NRL: variants seen among roughly 807,000 people sequenced by gnomAD.
The protein encoded by NRL is neural retina-specific leucine zipper protein.
Under a neutral mutation model 12.5 loss-of-function variants are expected in NRL, and 16 were observed. The ratio of observed to expected loss-of-function variants is 1.28; its 90% CI spans 0.87 to 1.95. NRL has a LOEUF of 1.95. Ranked by LOEUF, NRL falls within the 30% of genes most tolerant of loss-of-function variation. The probability of loss-of-function intolerance (pLI) is 0.00; values close to 1 mark genes in which losing one functional copy is unlikely to be tolerated. For missense variants in NRL, 314 were observed against 325.8 expected (o/e 0.96, Z 0.28); for synonymous variants, 142 against 150.9 (o/e 0.94, Z 0.43).
Position 24,081,695 on chromosome 14 carries a change from C to T in NRL, c.382-127G>A, listed in dbSNP as rs560135843. The T allele has an allele frequency of 1.7e-5, 26 of 1,521,738 alleles. No homozygotes were observed. The highest frequency in any genetic ancestry group is 2.1e-5 in the Non-Finnish European group (24 of 1,135,938). The allele number at this position is 1,521,738 out of a possible 1,614,324, so 94.3% of individuals were successfully genotyped here. ...CGGCTCCCACCTTCACCGGAAGGCT[C>T]GCCCTTCCACGCAGTCTGTTTCGGT... On this transcript the variant is annotated intron_variant, in intron 2 of 2. Transcript: ENST00000561028. This position sits in a 1 kb window ranked among gnomAD's most constrained non-coding sequence, Gnocchi z 4.4.
In NRL at chr14:24,082,882, AGAG is replaced by A. The variant is rs2036364638; in HGVS notation, c.-27-10_-27-8del. ...TGGGCTGGGAGGAGTGCACCTGCAA[AGAG>A]GAGGAGAGGTCTGGAGCACATGGAG... On this transcript the variant is annotated splice_region_variant and splice_polypyrimidine_tract_variant and intron_variant, in intron 1 of 2. Coordinates refer to ENST00000561028, the MANE Select transcript of NRL (RefSeq NM_001354768.3). 1.3e-6 allele frequency: 2 copies of A among 1,594,536 alleles called. No homozygotes were observed. The highest frequency in any genetic ancestry group is 1.1e-5 in the South Asian group (1 of 88,532).
intron 2 of NRL, chr14:24,082,060 A>AG: frequency 8.3e-7 from 1 of 1,201,810 alleles, no homozygotes; most frequent in Non-Finnish European, 1.0e-6. Flanking sequence ...CTTCCTGAGA[A>AG]GGTTGGGGGC....
chr14:24,087,237 G>A (rs2036488629), intron 1 of NRL, among the ~76,000 whole-genome samples: 1 of 152,158 alleles, frequency 6.6e-6, no homozygotes, highest in Non-Finnish European at 1.5e-5. Flanking sequence ...CAAGAAGGGA[G>A]TAGGGGACAA....
intron 1 of NRL, chr14:24,100,425 C>A (rs1473368996): frequency 2.7e-6 from 3 of 1,114,058 alleles, no homozygotes; most frequent in Non-Finnish European, 3.7e-6. Flanking sequence ...TGCTCAACTT[C>A]CCTAAGCTTT....
chr14:24,087,325 A>G (rs1282532905), intron 1 of NRL, among the ~76,000 whole-genome samples: 4 of 152,224 alleles, frequency 2.6e-5, no homozygotes, highest in Non-Finnish European at 5.9e-5. Context: ...ACACCAATAC[A>G]AAGAAATAGA....
chr14:24,083,979 G>A (rs1167403965), intron 1 of NRL, among the ~76,000 whole-genome samples: 1 of 152,176 alleles, frequency 6.6e-6, no homozygotes, highest in African/African-American at 2.4e-5. Context: ...TGAAGTCCAA[G>A]CTCTAGTCCA....
chr14:24,087,660 C>T (rs561045035), intron 1 of NRL, among the ~76,000 whole-genome samples: 1 of 152,314 alleles, frequency 6.6e-6, no homozygotes, highest in African/African-American at 2.4e-5. Flanking sequence ...TTGAAAAATG[C>T]ATATTAAACA....
At chr14:24,103,796 C>T (rs753224801) in intron 1 of NRL, 35 of 1,614,032 alleles carry the variant, frequency 2.2e-5, no homozygotes, top group East Asian at 1.3e-4. Context: ...TGGATCTCAG[C>T]GGCCTCAGAG....
Position 24,094,674 on chromosome 14 carries a change from C to T in NRL, c.-27-11799G>A, listed in dbSNP as rs2036778036. 6.6e-7 allele frequency: 1 copy of T among 1,515,816 alleles called. No individual in the cohort carries two copies. The highest frequency in any genetic ancestry group is 1.7e-4 in the Middle Eastern group (1 of 5,900). The allele number at this position is 1,515,816 out of a possible 1,614,324, so 93.9% of individuals were successfully genotyped here. A position where few individuals can be genotyped will look rare whatever the true frequency, so the allele number is the denominator to read the frequency against. On this transcript the variant is annotated intron_variant, in intron 1 of 2. Transcript: ENST00000561028. The surrounding 1 kb of genome is among the most constrained non-coding windows in gnomAD (Gnocchi z 4.1). Reference sequence around the variant, plus strand: ...TCTCTGCCTCGCTCGCCTCTGACCGCGCGATCTCTATCTGCCACTCTCAGA... The same window carrying T: ...TCTCTGCCTCGCTCGCCTCTGACCGTGCGATCTCTATCTGCCACTCTCAGA...
rs1466167919 is a variant in NRL at position 24,080,380 on chromosome 14, G to C, written c.*856C>G. The C allele has an allele frequency of 2.0e-5, 3 of 152,350 alleles. No homozygotes were observed. The highest frequency in any genetic ancestry group is 2.9e-5 in the Non-Finnish European group (2 of 68,060). 9.4% of individuals were successfully genotyped at this position (152,350 alleles called of 1,614,324 possible). A position where few individuals can be genotyped will look rare whatever the true frequency, so the allele number is the denominator to read the frequency against. On this transcript the variant is annotated 3_prime_UTR_variant, in exon 3 of 3. Transcript: ENST00000561028. ...GCCTGGGCTGTGCATCCCCTGCCTAGGCTGCAGCTGGGAAACTGCAGCAGG... is the reference window on the plus strand; with the variant it reads ...GCCTGGGCTGTGCATCCCCTGCCTACGCTGCAGCTGGGAAACTGCAGCAGG...
intron 1 of NRL, among the ~76,000 whole-genome samples, chr14:24,113,524 A>G (rs2037460075): frequency 6.6e-6 from 1 of 152,250 alleles, no homozygotes; most frequent in South Asian, 2.1e-4. Context: ...ATAGTAAGTA[A>G]TCTGGCAATA....
chr14:24,083,559 C>G (rs1291949523), intron 1 of NRL, among the ~76,000 whole-genome samples: 1 of 152,202 alleles, frequency 6.6e-6, no homozygotes, highest in Non-Finnish European at 1.5e-5. Context: ...CCAAGGGGAA[C>G]AGACCAAGAT....
Position 24,080,438 on chromosome 14 carries a change from G to C in NRL, c.*798C>G, listed in dbSNP as rs757264631. ...GTGCCTTTGGCGAGATTGTCTTGGG[G>C]ACTTCTTGGGGAGACCACCGGGACT... On this transcript the variant is annotated 3_prime_UTR_variant, in exon 3 of 3. Coordinates refer to ENST00000561028, the MANE Select transcript of NRL (RefSeq NM_001354768.3). 1 of 152,484 alleles carries C rather than the reference G, an allele frequency of 6.6e-6. No individual in the cohort carries two copies. Among genetic ancestry groups the C allele is most frequent in the Non-Finnish European group, 1.5e-5 (1 of 68,054 alleles). 9.4% of individuals were successfully genotyped at this position (152,484 alleles called of 1,614,324 possible).
At position 24,114,767 on chromosome 14, in the gene NRL, C is replaced by T; in HGVS notation, c.-73G>A. 2 of 985,926 alleles carry T rather than the reference C, an allele frequency of 2.0e-6. No individual in the cohort carries two copies. The highest frequency in any genetic ancestry group is 2.4e-6 in the Non-Finnish European group (2 of 829,930). 61.1% of individuals were successfully genotyped at this position (985,926 alleles called of 1,614,324 possible). ...CTGTCCAGTTGGCTGGCCAAGGGGG[C>T]GGGGCCGTCGTGTGACGTTTGCAGC... On this transcript the variant is annotated 5_prime_UTR_variant, in exon 1 of 3. Coordinates refer to ENST00000561028, the MANE Select transcript of NRL (RefSeq NM_001354768.3).
intron 1 of NRL, among the ~76,000 whole-genome samples, chr14:24,091,626 G>T (rs964465558): frequency 6.6e-6 from 1 of 151,974 alleles, no homozygotes; most frequent in East Asian, 1.9e-4. Context: ...GGGAGAGGGG[G>T]ACTTGGTAAT....
intron 1 of NRL, among the ~76,000 whole-genome samples, chr14:24,110,918 G>T (rs147894268): frequency 3.9e-5 from 6 of 152,276 alleles, no homozygotes; most frequent in Middle Eastern, 3.4e-3. Context: ...CAAAAAATGA[G>T]GTTACTAAAA....
chr14:24,098,166 C>A, intron 1 of NRL: 1 of 1,554,614 alleles, frequency 6.4e-7, no homozygotes, highest in Admixed American at 1.9e-5. Context: ...GGGAAACCTG[C>A]TGGCCACCAT....
chr14:24,098,178 T>G, intron 1 of NRL: 1 of 1,571,640 alleles, frequency 6.4e-7, no homozygotes, highest in Non-Finnish European at 8.7e-7. Context: ...GGCCACCATC[T>G]TCCTGACAAT....
intron 1 of NRL, chr14:24,103,613 C>T: frequency 6.2e-7 from 1 of 1,613,310 alleles, no homozygotes; most frequent in Non-Finnish European, 8.5e-7. Flanking sequence ...GCAAGGGGGC[C>T]CAGCTGCCCC....
Sources: allele counts gnomAD v4.1 joint callset (sites outside exome capture counted in the v4.1 genomes callset), GRCh38; gene constraint gnomAD v4.1.1; non-coding constraint Gnocchi (gnomAD v3.1); transcripts MANE v1.5; gene names NCBI Gene and HGNC (gene_info 2026-07-23, HGNC 2026-07-21).